FAM168B: variants seen among roughly 807,000 people sequenced by gnomAD.
FAM168B encodes myelin-associated neurite-outgrowth inhibitor.
FAM168B carries 19 observed loss-of-function variants against 21.8 expected under a neutral mutation model. The observed-to-expected ratio is 0.87, with a 90% CI of 0.61 to 1.28. FAM168B has a LOEUF of 1.28. Among genes scored for constraint, FAM168B ranks in the 50% most tolerant of loss-of-function variants. The pLI, the probability that FAM168B is intolerant of heterozygous loss-of-function variation, is 0.00. For synonymous variants in FAM168B, 126 were observed against 104.8 expected, an observed-to-expected ratio of 1.20 and a Z score of -1.24; for missense variants, 233 against 263.1, an observed-to-expected ratio of 0.89 and a Z score of 0.79.
intron 3 of FAM168B, among the ~76,000 whole-genome samples, chr2:131,058,596 CG>C (rs1692143435): frequency 6.6e-6 from 1 of 152,162 alleles, no homozygotes; most frequent in Admixed American, 6.5e-5. Flanking sequence ...CTATGTTAAC[CG>C]TAAATAGAAA....
rs1691496808 is a variant in FAM168B at position 131,049,220 on chromosome 2, T to G, written c.*3245A>C. The G allele has an allele frequency of 4.1e-6, 4 of 985,212 alleles. No individual in the cohort carries two copies. In the South Asian group the frequency reaches 1.9e-4, roughly 46 times the overall value. The allele number at this position is 985,212 out of a possible 1,614,324, so 61.0% of individuals were successfully genotyped here. The stretch of plus-strand genomic sequence containing the variant: ...ATGCAAATTATTTCCTAGACCTCAT[T>G]CATCACAGCCAGATGATGCCACCAG... On this transcript the variant is annotated 3_prime_UTR_variant, in exon 7 of 7. Coordinates refer to ENST00000389915, the MANE Select transcript of FAM168B (RefSeq NM_001009993.4).
Position 131,048,867 on chromosome 2 carries a change from T to A in FAM168B, c.*3598A>T. ...CCCTGCCACCTGCTGCTGCGCCCAATGGAGGTCCTGTCCTGTCCGGGCAAC... is the reference window on the plus strand; with the variant it reads ...CCCTGCCACCTGCTGCTGCGCCCAAAGGAGGTCCTGTCCTGTCCGGGCAAC... On this transcript the variant is annotated 3_prime_UTR_variant, in exon 7 of 7. Transcript: ENST00000389915. 1.0e-6 allele frequency: 1 copy of A among 986,172 alleles called. No individual in the cohort carries two copies. The highest frequency in any genetic ancestry group is 1.2e-6 in the Non-Finnish European group (1 of 830,202). The allele number at this position is 986,172 out of a possible 1,614,324, so 61.1% of individuals were successfully genotyped here. A position where few individuals can be genotyped will look rare whatever the true frequency, so the allele number is the denominator to read the frequency against.
chr2:131,071,797 C>G, intron 3 of FAM168B, 58 bp downstream of exon 3: 4 of 1,465,488 alleles, frequency 2.7e-6, no homozygotes, highest in South Asian at 1.1e-5. Flanking sequence ...TCAAAATCCA[C>G]CCCTTCACCT....
chr2:131,067,706 G>C (rs1573779042), intron 3 of FAM168B, among the ~76,000 whole-genome samples: 2 of 151,954 alleles, frequency 1.3e-5, no homozygotes, highest in African/African-American at 4.8e-5. Context: ...AGGCAACAAA[G>C]TGAGATCCTA....
At chr2:131,090,681 T>G (rs1019368344) in intron 1 of FAM168B, among the ~76,000 whole-genome samples, 2 of 152,084 alleles carry the variant, frequency 1.3e-5, no homozygotes, top group Non-Finnish European at 2.9e-5. Flanking sequence ...GCCTGGGCGA[T>G]ATAGTGAGAC....
chr2:131,059,979 G>C (rs1408694665), intron 3 of FAM168B, among the ~76,000 whole-genome samples: 1 of 152,110 alleles, frequency 6.6e-6, no homozygotes, highest in Non-Finnish European at 1.5e-5. Flanking sequence ...TAGGTGGGAA[G>C]TATATTCCCA....
intron 2 of FAM168B, among the ~76,000 whole-genome samples, chr2:131,073,843 TG>T (rs994188256): frequency 3.9e-5 from 6 of 152,222 alleles, no homozygotes; most frequent in Non-Finnish European, 5.9e-5. Context: ...CACACAGAAA[TG>T]GGAAAAATCC....
intron 2 of FAM168B, among the ~76,000 whole-genome samples, chr2:131,077,862 T>C (rs1175718013): frequency 6.6e-6 from 1 of 152,078 alleles, no homozygotes; most frequent in Non-Finnish European, 1.5e-5. Flanking sequence ...TTTTCCTTAC[T>C]CCCCTGGTGT....
intron 3 of FAM168B, among the ~76,000 whole-genome samples, chr2:131,067,129 G>T (rs1692604654): frequency 6.6e-6 from 1 of 152,104 alleles, no homozygotes; most frequent in Non-Finnish European, 1.5e-5. Flanking sequence ...GGGGATTACA[G>T]GAGCTACAAT....
chr2:131,048,655 C>G lies in FAM168B; in HGVS notation c.*3810G>C. On this transcript the variant is annotated 3_prime_UTR_variant, in exon 7 of 7. Transcript: ENST00000389915. ...TCAGGACCTACTGATAAAGCATGTC[C>G]TCTGCAGTATACTCAAGAGTCTGCT... 1 of 1,025,504 alleles carries G rather than the reference C, an allele frequency of 9.8e-7. No homozygotes were observed. The highest frequency in any genetic ancestry group is 1.2e-6 in the Non-Finnish European group (1 of 853,242). 63.5% of individuals were successfully genotyped at this position (1,025,504 alleles called of 1,614,324 possible).
chr2:131,085,416 A>G (rs770876399), intron 1 of FAM168B, among the ~76,000 whole-genome samples: 56 of 152,244 alleles, frequency 3.7e-4, no homozygotes, highest in Non-Finnish European at 6.9e-4. Context: ...CAATATCTCC[A>G]GCATCAATAA....
chr2:131,074,112 A>G (rs1287653979), intron 2 of FAM168B, among the ~76,000 whole-genome samples: 1 of 152,062 alleles, frequency 6.6e-6, no homozygotes, highest in African/African-American at 2.4e-5. Context: ...CACTTGTGAC[A>G]GCTGAGGTAT....
intron 1 of FAM168B, among the ~76,000 whole-genome samples, chr2:131,086,062 T>A (rs1693680909): frequency 6.6e-6 from 1 of 152,116 alleles, no homozygotes; most frequent in African/African-American, 2.4e-5. Flanking sequence ...GAGAATCAAT[T>A]GTGTGTCTTA....
chr2:131,087,419 C>A (rs1218044585), intron 1 of FAM168B, among the ~76,000 whole-genome samples: 1 of 152,120 alleles, frequency 6.6e-6, no homozygotes, highest in Non-Finnish European at 1.5e-5. Context: ...TTGCAGTGAG[C>A]TGAGATCGTG....
intron 5 of FAM168B, among the ~76,000 whole-genome samples, chr2:131,053,868 C>T (rs945896942): frequency 6.6e-6 from 1 of 151,892 alleles, no homozygotes; most frequent in African/African-American, 2.4e-5. Context: ...GGGCAAGACC[C>T]TGTCTCAACA....
At chr2:131,056,661 G>A (rs574625241) in intron 3 of FAM168B, among the ~76,000 whole-genome samples, 1 of 152,300 alleles carries the variant, frequency 6.6e-6, no homozygotes, top group African/African-American at 2.4e-5. Context: ...ATGATCAAAA[G>A]CTGGCAATGG....
chr2:131,062,620 G>C (rs1272591457), intron 3 of FAM168B, among the ~76,000 whole-genome samples: 7 of 152,144 alleles, frequency 4.6e-5, no homozygotes, highest in Non-Finnish European at 4.4e-5. Context: ...GCTAATTTTT[G>C]TATTTTTAGT....
intron 3 of FAM168B, among the ~76,000 whole-genome samples, chr2:131,057,488 C>T (rs1013466511): frequency 3.9e-5 from 6 of 152,040 alleles, no homozygotes; most frequent in Admixed American, 2.0e-4. Context: ...GGGGAGAGGG[C>T]GAAGAAAGCG....
intron 1 of FAM168B, among the ~76,000 whole-genome samples, chr2:131,090,328 AAAAAAAAAAAAG>A (rs1041920715): frequency 3.3e-5 from 5 of 150,980 alleles, no homozygotes; most frequent in Non-Finnish European, 5.9e-5. Context: ...TCAAAAAAAA[AAAAAAAAAAAAG>A]AAAGAAAGAC....
Sources: gnomAD v4.1 joint callset for allele counts (sites outside exome capture counted in the v4.1 genomes callset) on GRCh38, gnomAD v4.1.1 for gene constraint, MANE v1.5 for transcripts, NCBI Gene and HGNC (gene_info 2026-07-23, HGNC 2026-07-21) for gene names.